The following CARS1 variants were observed in gnomAD, a reference collection of about 807,000 sequenced individuals.
CARS1 encodes the protein cysteine--tRNA ligase, cytoplasmic.
Under a neutral mutation model 106.2 loss-of-function variants are expected in CARS1, and 48 were observed. The observed-to-expected ratio is 0.45, with a 90% CI of 0.36 to 0.57. The LOEUF (loss-of-function observed/expected upper bound fraction) is 0.57. CARS1 is among the 20% of genes least tolerant of loss of function. CARS1 has a pLI of 0.00. For missense variants in CARS1, 968 were observed against 1,057.2 expected (o/e 0.92, Z 1.17); for synonymous variants, 409 against 403.4 (o/e 1.01, Z -0.17).
rs1176816976 is a variant in CARS1, at chr11:3,008,760, A to T, written c.2069-1801T>A. On this transcript the variant is annotated intron_variant, in intron 18 of 22. Coordinates refer to ENST00000380525, the MANE Select transcript of CARS1 (RefSeq NM_001014437.3). This position sits in a 1 kb window ranked among gnomAD's most constrained non-coding sequence, Gnocchi z 5.1. ...GGCCTTTATATTTGTCTGCAGTATC[A>T]TTCCTGGGAACAGGCCCTCCTCAGC... 6.6e-6 allele frequency: 1 copy of T among 152,212 alleles called. No homozygotes were observed. The highest frequency in any genetic ancestry group is 1.5e-5 in the Non-Finnish European group (1 of 68,064). The allele number at this position is 152,212 out of a possible 1,614,324, so 9.4% of individuals were successfully genotyped here.
In CARS1 at chr11:3,029,179, T is replaced by C. The variant is rs1852432526; in HGVS notation, c.943-95A>G. On this transcript the variant is annotated intron_variant, in intron 8 of 22. Transcript: ENST00000380525. The surrounding 1 kb of genome is among the most constrained non-coding windows in gnomAD (Gnocchi z 5.9). ...AATTCATAAAACGAAAAGCCCATTA[T>C]GCCCCTCAACTCAAGTTCAATGTTG... 2 of 1,422,310 alleles carry C rather than the reference T, an allele frequency of 1.4e-6. No individual in the cohort carries two copies. Among genetic ancestry groups the C allele is most frequent in the Non-Finnish European group, 2.0e-6 (2 of 1,008,576 alleles). The allele number at this position is 1,422,310 out of a possible 1,614,324, so 88.1% of individuals were successfully genotyped here. A position where few individuals can be genotyped will look rare whatever the true frequency, so the allele number is the denominator to read the frequency against.
chr11:3,026,141 G>A (rs554431191), intron 10 of CARS1, among the ~76,000 whole-genome samples: 1 of 152,248 alleles, frequency 6.6e-6, no homozygotes, highest in South Asian at 2.1e-4. Flanking sequence ...GCTAAAAAAC[G>A]GTGGACCTCA....
At chr11:3,016,878 G>A (rs1466081193) in intron 16 of CARS1, among the ~76,000 whole-genome samples, 1 of 152,190 alleles carries the variant, frequency 6.6e-6, no homozygotes, top group African/African-American at 2.4e-5. Flanking sequence ...CTCCCACAGT[G>A]TTGGATTATA....
intron 7 of CARS1, among the ~76,000 whole-genome samples, chr11:3,033,429 C>G (rs1226173293): frequency 6.6e-6 from 1 of 152,082 alleles, no homozygotes; most frequent in African/African-American, 2.4e-5. Flanking sequence ...TGAAAAAGTA[C>G]CATCCAATTT....
rs1851137612 is a variant in CARS1, at chr11:3,017,378, C to T, written c.1728-83G>A. 4 of 1,273,928 alleles carry T rather than the reference C, an allele frequency of 3.1e-6. No individual in the cohort carries two copies. Among genetic ancestry groups the T allele is most frequent in the Non-Finnish European group, 3.4e-6 (3 of 894,178 alleles). The allele number at this position is 1,273,928 out of a possible 1,614,324, so 78.9% of individuals were successfully genotyped here. Reference sequence around the variant, plus strand: ...CCCCATGTGGCCAGGCGCAGTGGCTCACGCCTATAATCCCAGCACTTTGGG... The same window carrying T: ...CCCCATGTGGCCAGGCGCAGTGGCTTACGCCTATAATCCCAGCACTTTGGG... On this transcript the variant is annotated intron_variant, in intron 15 of 22. Transcript: ENST00000380525. This position sits in a 1 kb window ranked among gnomAD's most constrained non-coding sequence, Gnocchi z 4.9.
In CARS1 at chr11:3,019,165, G is replaced by C; in HGVS notation, c.1369C>G (p.His457Asp). The C allele has an allele frequency of 6.6e-7, 1 of 1,524,150 alleles. No homozygotes were observed. The highest frequency in any genetic ancestry group is 8.8e-7 in the Non-Finnish European group (1 of 1,139,588). 94.4% of individuals were successfully genotyped at this position (1,524,150 alleles called of 1,614,324 possible). A position where few individuals can be genotyped will look rare whatever the true frequency, so the allele number is the denominator to read the frequency against. The change falls in exon 12 of 23, where the codon CAT (histidine) becomes GAT (aspartate). Residue 457 changes from histidine (H) to aspartate (D), a missense_variant. Transcript: ENST00000380525. The surrounding 1 kb of genome is among the most constrained non-coding windows in gnomAD (Gnocchi z 6.2). The stretch of plus-strand genomic sequence containing the variant: ...TCCGACTGTGCCAGCTCATTGTCAT[G>C]GTGGGGGAACCGGAGGTCGAACCCA... ...GGGFDLRFPH[H>D]DNELAQSEAY...
At chr11:3,031,999 C>T (rs1353470400) in intron 7 of CARS1, among the ~76,000 whole-genome samples, 2 of 5,568 alleles carry the variant, frequency 3.6e-4, no homozygotes, top group African/African-American at 1.8e-3. Context: ...TCCTTCCTTC[C>T]CTCCCTCCCT....
chr11:3,042,435 T>C, intron 2 of CARS1, 179 bp from the exon 3 acceptor site: 2 of 566,456 alleles, frequency 3.5e-6, no homozygotes, highest in South Asian at 2.2e-5. Context: ...TGCGTCTTTT[T>C]TTTTTTTTAG....
At chr11:3,054,420 G>C (rs1369746282) in intron 1 of CARS1, among the ~76,000 whole-genome samples, 2 of 152,198 alleles carry the variant, frequency 1.3e-5, no homozygotes, top group Non-Finnish European at 2.9e-5. Context: ...ACTGCCTAAG[G>C]CTCTTCAAAT....
Position 3,018,740 on chromosome 11 carries a change from C to G in CARS1, c.1405G>C (p.Glu469Gln). The change falls in exon 13 of 23, where the codon GAA (glutamate) becomes CAA (glutamine). Residue 469 changes from glutamate (E) to glutamine (Q), a missense_variant. By Grantham distance (29) the Glu-to-Gln change is conservative (BLOSUM62 2). Coordinates refer to ENST00000380525, the MANE Select transcript of CARS1 (RefSeq NM_001014437.3). ...AAGTACCTGACCCAGCAGTCGTTTTCAAAGTAGGCCTGCGTGGAAAGAGAC... is the reference window on the plus strand; with the variant it reads ...AAGTACCTGACCCAGCAGTCGTTTTGAAAGTAGGCCTGCGTGGAAAGAGAC... ...NELAQSEAYFENDCWVRYFLH... is the reference protein window; with the variant it reads ...NELAQSEAYFQNDCWVRYFLH... The G allele has an allele frequency of 6.2e-7, 1 of 1,613,518 alleles. No individual in the cohort carries two copies. Among genetic ancestry groups the G allele is most frequent in the Non-Finnish European group, 8.5e-7 (1 of 1,179,702 alleles).
chr11:3,031,967 A>G (rs889848585), intron 7 of CARS1, among the ~76,000 whole-genome samples: 1 of 148,772 alleles, frequency 6.7e-6, no homozygotes, highest in Non-Finnish European at 1.5e-5. Flanking sequence ...ATACCAGTGC[A>G]CTCTGTTCTT....
chr11:3,001,132 C>G lies in CARS1; in HGVS notation c.2478G>C (p.Gln826His), dbSNP rs532912036. The change falls in exon 23 of 23, where the codon CAG becomes CAC. Residue 826 changes from glutamine to histidine, a missense_variant. Transcript: ENST00000380525. ...TGCCCCCTCACTGGAAGCTTCCATT[C>G]TGGGCCATCTGCAGATATTCCTTGT... ...KLYKEYLQMA[Q>H]NGSFQ 4.3e-6 allele frequency: 7 copies of G among 1,614,084 alleles called. No homozygotes were observed. The Admixed American group carries it at 6.7e-5, about 15-fold the overall frequency.
In CARS1 at chr11:3,053,165, T is replaced by C. The variant is rs565206491; in HGVS notation, c.25+4178A>G. Among the ~76,000 whole-genome samples the C allele has an allele frequency of 1.3e-5, 2 of 152,262 alleles. No individual in the cohort carries two copies. The highest frequency in any genetic ancestry group is 4.8e-5 in the African/African-American group (2 of 41,476). On this transcript the variant is annotated intron_variant, in intron 1 of 22. Transcript: ENST00000380525. This position sits in a 1 kb window ranked among gnomAD's most constrained non-coding sequence, Gnocchi z 6.6. The stretch of plus-strand genomic sequence containing the variant: ...CTGACACGTCAAACAACTGTGGCAG[T>C]GCGACCTCTCCCTCTCTCTGGCTCT...
chr11:3,020,083 T>A lies in CARS1; in HGVS notation c.1266+137A>T. 1.5e-6 allele frequency: 1 copy of A among 655,658 alleles called. No homozygotes were observed. Among genetic ancestry groups the A allele is most frequent in the East Asian group, 2.6e-5 (1 of 38,518 alleles). The allele number at this position is 655,658 out of a possible 1,614,324, so 40.6% of individuals were successfully genotyped here. On this transcript the variant is annotated intron_variant, in intron 11 of 22. Transcript: ENST00000380525. The surrounding 1 kb of genome is among the most constrained non-coding windows in gnomAD (Gnocchi z 4.6). ...TCCAGGTCCCCGGGGCCAGGCAGCC[T>A]GTGCTGCACCAGCACCAGGCTCTGG...
In CARS1 at chr11:3,034,007, C is replaced by T. The variant is rs1387719720; in HGVS notation, c.801+4043G>A. Among the ~76,000 whole-genome samples, 1 of 152,132 alleles carries T rather than the reference C, an allele frequency of 6.6e-6. No homozygotes were observed. The highest frequency in any genetic ancestry group is 1.5e-5 in the Non-Finnish European group (1 of 68,030). On this transcript the variant is annotated intron_variant, in intron 7 of 22. Transcript: ENST00000380525. The surrounding 1 kb of genome is among the most constrained non-coding windows in gnomAD (Gnocchi z 6.3). ...ATGTTGTCCCGGCTGATCTCAAACTCCTGGGCTCAAGGGATCCTCTTGCCT... is the reference window on the plus strand; with the variant it reads ...ATGTTGTCCCGGCTGATCTCAAACTTCTGGGCTCAAGGGATCCTCTTGCCT...
chr11:3,057,345 T>G lies in CARS1; in HGVS notation c.23A>C (p.Gln8Pro), dbSNP rs1290687772. The change falls in exon 1 of 23, where the codon CAG (glutamine) becomes CCG (proline). Residue 8 changes from glutamine (Q) to proline (P), a missense_variant and splice_region_variant. By Grantham distance (76) the Gln-to-Pro change is moderately conservative. Transcript: ENST00000380525. MADSSGQ[Q>P]APDYRSILSI... is the part of the protein sequence containing the mutation. Reference sequence around the variant, plus strand: ...CCTGGCCCGGCCGCGCCGCTCACCCTGCTGCCCGGAGGAATCTGCCATGGC... The same window carrying G: ...CCTGGCCCGGCCGCGCCGCTCACCCGGCTGCCCGGAGGAATCTGCCATGGC... 5 of 1,610,120 alleles carry G rather than the reference T, an allele frequency of 3.1e-6. No homozygotes were observed. Among genetic ancestry groups the G allele is most frequent in the Non-Finnish European group, 4.2e-6 (5 of 1,178,664 alleles).
Position 3,001,023 on chromosome 11 carries a change from T to C in CARS1, c.*91A>G. 2 of 1,443,898 alleles carry C rather than the reference T, an allele frequency of 1.4e-6. No homozygotes were observed. The highest frequency in any genetic ancestry group is 2.4e-5 in the South Asian group (2 of 85,004). The allele number at this position is 1,443,898 out of a possible 1,614,324, so 89.4% of individuals were successfully genotyped here. The stretch of plus-strand genomic sequence containing the variant: ...TCTTAATTTAGGACCCAAGGGTGAC[T>C]GTAAACATGATAGGAGCGCTGGGAC... On this transcript the variant is annotated 3_prime_UTR_variant, in exon 23 of 23. Coordinates refer to ENST00000380525, the MANE Select transcript of CARS1 (RefSeq NM_001014437.3).
chr11:3,016,119 G>C lies in CARS1; in HGVS notation c.1918-270C>G, dbSNP rs960682577. On this transcript the variant is annotated intron_variant, in intron 16 of 22. Transcript: ENST00000380525. ...ACAAGGAAAGAGGAGGAGAGGGGAG[G>C]GGAGTTGAGTCCAGGCCCTGCTGGC... 5.7e-4 allele frequency among the ~76,000 whole-genome samples: 87 copies of C among 152,192 alleles called. 2 individuals are homozygous for C. Among genetic ancestry groups the C allele is most frequent in the Non-Finnish European group, 1.0e-4 (7 of 68,038 alleles).
intron 7 of CARS1, among the ~76,000 whole-genome samples, chr11:3,032,012 C>T (rs1387666828): frequency 0.039 from 392 of 9,942 alleles, 32 homozygotes; most frequent in African/African-American, 0.084. Flanking sequence ...CCCTCCCTCC[C>T]TCCCTCCCTC....
Sources: gnomAD v4.1 joint callset for allele counts (sites outside exome capture counted in the v4.1 genomes callset) on GRCh38, gnomAD v4.1.1 for gene constraint, Gnocchi (gnomAD v3.1) non-coding constraint, MANE v1.5 for transcripts, NCBI Gene and HGNC (gene_info 2026-07-23, HGNC 2026-07-21) for gene names.